RBFOX3: variants seen among roughly 807,000 people sequenced by gnomAD.
RBFOX3 encodes RNA binding fox-1 homolog 3.
In RBFOX3, 17 loss-of-function variants were observed where a neutral mutation model predicts 48.7. The observed-to-expected ratio is 0.35, with a 90% confidence interval of 0.24 to 0.52. The LOEUF is 0.52. Among genes scored for constraint, RBFOX3 ranks in the 20% least tolerant of loss-of-function variants. RBFOX3 has a pLI of 0.94. For synonymous variants in RBFOX3, 212 were observed against 209.5 expected, an observed-to-expected ratio of 1.01 and a Z score of -0.10; for missense variants, 382 against 497.5, an observed-to-expected ratio of 0.77 and a Z score of 2.21.
intron 2 of RBFOX3, among the ~76,000 whole-genome samples, chr17:79,388,459 T>C (rs1189769587): frequency 1.3e-5 from 2 of 152,214 alleles, no homozygotes; most frequent in Admixed American, 6.5e-5. Flanking sequence ...TGGAATCGTT[T>C]TCAGCTGTGT....
intron 3 of RBFOX3, among the ~76,000 whole-genome samples, chr17:79,275,462 A>G (rs2068613045): frequency 6.6e-6 from 1 of 151,904 alleles, no homozygotes. Context: ...TCCCCCCCCA[A>G]CCTCCAAGAC....
intron 2 of RBFOX3, among the ~76,000 whole-genome samples, chr17:79,429,985 C>A (rs2068110638): frequency 6.6e-6 from 1 of 152,116 alleles, no homozygotes; most frequent in South Asian, 2.1e-4. Context: ...AGGATGCAAG[C>A]CCCCAGCACA....
intron 4 of RBFOX3, among the ~76,000 whole-genome samples, chr17:79,186,917 C>T (rs1198113546): frequency 2.0e-5 from 3 of 152,230 alleles, no homozygotes; most frequent in Non-Finnish European, 2.9e-5. Flanking sequence ...GCAGGCACTG[C>T]CTCTCCTCCA....
chr17:79,241,654 A>G (rs1388534914), intron 3 of RBFOX3, among the ~76,000 whole-genome samples: 2 of 152,210 alleles, frequency 1.3e-5, no homozygotes, highest in Non-Finnish European at 2.9e-5. Context: ...TTTGGCTGCC[A>G]TGATAATACC....
At chr17:79,394,530 T>C (rs1598501220) in intron 2 of RBFOX3, among the ~76,000 whole-genome samples, 2 of 152,212 alleles carry the variant, frequency 1.3e-5, no homozygotes, top group South Asian at 2.1e-4. Context: ...GGCCTGTCCT[T>C]CTCCATCCAC....
intron 2 of RBFOX3, among the ~76,000 whole-genome samples, chr17:79,474,090 C>A (rs1796846975): frequency 6.6e-6 from 1 of 152,020 alleles, no homozygotes; most frequent in Non-Finnish European, 1.5e-5. Flanking sequence ...TCACCGGCAA[C>A]CCCCTCTGAG....
chr17:79,217,477 C>T (rs2059205191), intron 4 of RBFOX3, among the ~76,000 whole-genome samples: 1 of 152,154 alleles, frequency 6.6e-6, no homozygotes, highest in Admixed American at 6.5e-5. Context: ...AGAGCCCCAG[C>T]TGAACATCAG....
intron 2 of RBFOX3, among the ~76,000 whole-genome samples, chr17:79,448,601 C>T (rs551830725): frequency 1.2e-3 from 186 of 152,302 alleles, no homozygotes; most frequent in African/African-American, 4.3e-3. Flanking sequence ...GGAGCACAGC[C>T]CTGCCCACAC....
chr17:79,124,260 G>A (rs2036559719), intron 4 of RBFOX3, among the ~76,000 whole-genome samples: 1 of 152,230 alleles, frequency 6.6e-6, no homozygotes, highest in Non-Finnish European at 1.5e-5. Context: ...AGGGTTGTTA[G>A]ACATTTACCG....
chr17:79,665,257 T>G, the RBFOX3 span, among the ~76,000 whole-genome samples: 12 of 152,156 alleles, frequency 7.9e-5, no homozygotes, highest in Non-Finnish European at 1.8e-4. Flanking sequence ...CCTTTTTATC[T>G]CTCTTACTTG....
chr17:79,287,166 C>T (rs572545823), intron 3 of RBFOX3, among the ~76,000 whole-genome samples: 9 of 152,320 alleles, frequency 5.9e-5, no homozygotes, highest in Admixed American at 4.6e-4. Context: ...AGGGGACAAT[C>T]GCTTCTTCAC....
intron 3 of RBFOX3, among the ~76,000 whole-genome samples, chr17:79,293,466 TC>T (rs1374487046): frequency 8.7e-4 from 94 of 108,276 alleles, no homozygotes; most frequent in African/African-American, 3.5e-3. Flanking sequence ...CTTCCTTCCT[TC>T]CCTTCCTTCC....
At chr17:79,582,122 G>A (rs1199162630) in intron 1 of RBFOX3, among the ~76,000 whole-genome samples, 7 of 149,796 alleles carry the variant, frequency 4.7e-5, no homozygotes, top group Non-Finnish European at 7.4e-5. Flanking sequence ...GTGCCTGTGC[G>A]TGCCTGTGTA....
rs2080140815 is a variant in RBFOX3, at chr17:79,489,312, T to G, written c.-319-6714A>C. Among the ~76,000 whole-genome samples the G allele has an allele frequency of 9.2e-5, 14 of 152,060 alleles. 1 individual carries two copies. In the South Asian group the frequency reaches 2.9e-3, roughly 32 times the overall value. On this transcript the variant is annotated intron_variant, in intron 1 of 14. Coordinates refer to ENST00000693108, the MANE Select transcript of RBFOX3 (RefSeq NM_001350451.2). The stretch of plus-strand genomic sequence containing the variant: ...AACATTCTTCATTTATTTTATTTTT[T>G]GAGACAGGGTCTCACTCTGTCACCC...
At chr17:79,173,079 G>A (rs369694640) in intron 4 of RBFOX3, among the ~76,000 whole-genome samples, 6 of 152,234 alleles carry the variant, frequency 3.9e-5, no homozygotes, top group East Asian at 3.9e-4. Context: ...GTGTGGTGGC[G>A]CACGCCTGTA....
rs528988532 is a variant in RBFOX3 at position 79,353,575 on chromosome 17, C to T, written c.-174-45751G>A. ...CCCGGAGAAATACCCATCACTCATGCAGATGCTGCAGTGAAGCTGCAGACC... is the reference window on the plus strand; with the variant it reads ...CCCGGAGAAATACCCATCACTCATGTAGATGCTGCAGTGAAGCTGCAGACC... On this transcript the variant is annotated intron_variant, in intron 2 of 14. Transcript: ENST00000693108. Among the ~76,000 whole-genome samples the T allele has an allele frequency of 1.5e-4, 23 of 152,346 alleles. No homozygotes were observed. In the South Asian group the frequency reaches 3.9e-3, roughly 26 times the overall value.
intron 2 of RBFOX3, among the ~76,000 whole-genome samples, chr17:79,354,008 T>C (rs1386556310): frequency 1.3e-5 from 2 of 152,204 alleles, no homozygotes; most frequent in Non-Finnish European, 2.9e-5. Flanking sequence ...GCCTTAATGT[T>C]TTTAGAGAAG....
At chr17:79,528,110 C>T (rs1409783792) in intron 1 of RBFOX3, among the ~76,000 whole-genome samples, 3 of 151,328 alleles carry the variant, frequency 2.0e-5, no homozygotes, top group African/African-American at 4.9e-5. Flanking sequence ...TTAGTTGAAC[C>T]TCTGAGGTAT....
chr17:79,454,081 G>A (rs935382016), intron 2 of RBFOX3, among the ~76,000 whole-genome samples: 6 of 152,162 alleles, frequency 3.9e-5, no homozygotes, highest in East Asian at 3.9e-4. Flanking sequence ...TCTCAGATGC[G>A]CCAGGGGAGG....
Sources: allele counts gnomAD v4.1 joint callset (sites outside exome capture counted in the v4.1 genomes callset), GRCh38; gene constraint gnomAD v4.1.1; transcripts MANE v1.5; gene names NCBI Gene and HGNC (gene_info 2026-07-23, HGNC 2026-07-21).